ARHGEF12: variants seen among roughly 807,000 people sequenced by gnomAD.
The protein encoded by ARHGEF12 is Rho guanine nucleotide exchange factor 12.
In ARHGEF12, 66 loss-of-function variants were observed where a neutral mutation model predicts 211.2. The observed-to-expected ratio is 0.31, with a 90% CI of 0.26 to 0.38. The LOEUF (loss-of-function observed/expected upper bound fraction) is 0.38, where lower values mean the gene tolerates loss of function less well. ARHGEF12 is among the 10% of genes least tolerant of loss of function. The probability of loss-of-function intolerance (pLI) is 1.00; values close to 1 mark genes in which losing one functional copy is unlikely to be tolerated. For missense variants in ARHGEF12, 1,429 were observed against 1,869.5 expected, an observed-to-expected ratio of 0.76 and a Z score of 4.34; for synonymous variants, 592 against 638.4, an observed-to-expected ratio of 0.93 and a Z score of 1.09.
intron 1 of ARHGEF12, among the ~76,000 whole-genome samples, chr11:120,395,157 A>G (rs1285226637): frequency 6.6e-6 from 1 of 151,846 alleles, no homozygotes; most frequent in Non-Finnish European, 1.5e-5. Context: ...AATTTTATAA[A>G]TTCCAACAAT....
At chr11:120,387,069 A>T (rs563329579) in intron 1 of ARHGEF12, among the ~76,000 whole-genome samples, 1 of 152,098 alleles carries the variant, frequency 6.6e-6, no homozygotes, top group African/African-American at 2.4e-5. Flanking sequence ...ATCATTTAAC[A>T]TCGTCTGTAA....
In ARHGEF12 at chr11:120,347,264, C is replaced by G. The variant is rs868606238; in HGVS notation, c.32+9989C>G. ...TCTCTGTTTCTCTCTCTCTCTCTCTCTCTGTCTGTGTGTGTGTGTGTGTGT... is the reference window on the plus strand; with the variant it reads ...TCTCTGTTTCTCTCTCTCTCTCTCTGTCTGTCTGTGTGTGTGTGTGTGTGT... On this transcript the variant is annotated intron_variant, in intron 1 of 40. Transcript: ENST00000397843. Among the ~76,000 whole-genome samples the G allele has an allele frequency of 2.1e-3, 237 of 112,876 alleles. 1 individual carries two copies. Among genetic ancestry groups the G allele is most frequent in the African/African-American group, 7.7e-3 (213 of 27,582 alleles). 74.1% of individuals were successfully genotyped at this position (112,876 alleles called of 152,430 possible). A position where few individuals can be genotyped will look rare whatever the true frequency, so the allele number is the denominator to read the frequency against.
Position 120,489,017 on chromosome 11 carries a change from T to G in ARHGEF12, c.*3940T>G, listed in dbSNP as rs1229280415. ...AGAAAATAAGATTTCAAATATTAAA[T>G]AAGCTTAAAGGAACCAAGCATGTGA... On this transcript the variant is annotated 3_prime_UTR_variant, in exon 41 of 41. Coordinates refer to ENST00000397843, the MANE Select transcript of ARHGEF12 (RefSeq NM_015313.3). 4.5e-6 allele frequency: 1 copy of G among 220,516 alleles called. No homozygotes were observed. Among genetic ancestry groups the G allele is most frequent in the African/African-American group, 2.2e-5 (1 of 44,646 alleles). 13.7% of individuals were successfully genotyped at this position (220,516 alleles called of 1,614,324 possible).
intron 11 of ARHGEF12, among the ~76,000 whole-genome samples, chr11:120,432,247 T>C (rs774746769): frequency 6.6e-6 from 1 of 152,184 alleles, no homozygotes. Context: ...TAAGAGCATG[T>C]TAATATTCCA....
intron 1 of ARHGEF12, among the ~76,000 whole-genome samples, chr11:120,387,160 A>G (rs1488196256): frequency 1.3e-5 from 2 of 151,626 alleles, no homozygotes; most frequent in Non-Finnish European, 2.9e-5. Context: ...TATGGAAACA[A>G]TTCTCATTAC....
chr11:120,342,492 C>T (rs1294854026), intron 1 of ARHGEF12, among the ~76,000 whole-genome samples: 2 of 152,278 alleles, frequency 1.3e-5, no homozygotes, highest in East Asian at 3.9e-4. Context: ...CCTTTCCGGT[C>T]CCCTTCCCTT....
chr11:120,442,844 C>T (rs1426398979), intron 15 of ARHGEF12, among the ~76,000 whole-genome samples: 1 of 151,890 alleles, frequency 6.6e-6, no homozygotes, highest in East Asian at 1.9e-4. Flanking sequence ...TGCTTTTTCC[C>T]TCCTAAAACC....
At chr11:120,354,350 GTTGCTGCATTT>G (rs1164145597) in intron 1 of ARHGEF12, among the ~76,000 whole-genome samples, 1 of 152,164 alleles carries the variant, frequency 6.6e-6, no homozygotes, top group African/African-American at 2.4e-5. Flanking sequence ...ATGATGTTAT[GTTGCTGCATTT>G]CAGTCTTCTC....
At chr11:120,430,704 G>C (rs952575718) in intron 10 of ARHGEF12, among the ~76,000 whole-genome samples, 3 of 152,108 alleles carry the variant, frequency 2.0e-5, no homozygotes, top group Non-Finnish European at 2.9e-5. Context: ...ATTCGCAAAA[G>C]AATTCTTTGA....
chr11:120,460,999 A>G (rs1401396292), intron 27 of ARHGEF12, among the ~76,000 whole-genome samples: 1 of 152,212 alleles, frequency 6.6e-6, no homozygotes, highest in Non-Finnish European at 1.5e-5. Context: ...TCACACCTTC[A>G]GGCTCCACTG....
intron 1 of ARHGEF12, among the ~76,000 whole-genome samples, chr11:120,376,371 C>T (rs113394522): frequency 9.9e-4 from 150 of 152,112 alleles, no homozygotes; most frequent in African/African-American, 3.5e-3. Flanking sequence ...AACTTAGGTT[C>T]GTATTTTAAG....
intron 11 of ARHGEF12, among the ~76,000 whole-genome samples, chr11:120,433,153 A>G (rs1471973570): frequency 6.6e-6 from 1 of 152,228 alleles, no homozygotes; most frequent in Non-Finnish European, 1.5e-5. Flanking sequence ...TTGAGGCCAA[A>G]GGGAGTTAAC....
At chr11:120,407,592 A>G (rs1372981531) in intron 2 of ARHGEF12, 146 bp from the exon 3 acceptor site, 3 of 553,310 alleles carry the variant, frequency 5.4e-6, no homozygotes, top group East Asian at 5.7e-5. Context: ...AAACTTATTG[A>G]AAAATGTAAA....
At chr11:120,396,214 A>G (rs893366993) in intron 1 of ARHGEF12, among the ~76,000 whole-genome samples, 2 of 152,162 alleles carry the variant, frequency 1.3e-5, no homozygotes, top group African/African-American at 4.8e-5. Flanking sequence ...AAATAAACAT[A>G]CATGAGCCCA....
At chr11:120,441,224 T>C (rs1818913328) in intron 13 of ARHGEF12, among the ~76,000 whole-genome samples, 1 of 152,120 alleles carries the variant, frequency 6.6e-6, no homozygotes, top group African/African-American at 2.4e-5. Flanking sequence ...AAAATTGTGA[T>C]GCTAGTTTAC....
At chr11:120,368,177 A>G (rs1177314501) in intron 1 of ARHGEF12, among the ~76,000 whole-genome samples, 1 of 152,042 alleles carries the variant, frequency 6.6e-6, no homozygotes, top group Admixed American at 6.6e-5. Flanking sequence ...TCCTGGGCTC[A>G]AGCAATCCTC....
chr11:120,457,750 T>A lies in ARHGEF12; in HGVS notation c.2219T>A (p.Phe740Tyr), dbSNP rs750428619. 6.2e-7 allele frequency: 1 copy of A among 1,608,782 alleles called. No homozygotes were observed. Among genetic ancestry groups the A allele is most frequent in the Non-Finnish European group, 8.5e-7 (1 of 1,177,762 alleles). The change falls in exon 24 of 41, where the codon TTT becomes TAT. Residue 740 changes from phenylalanine to tyrosine, a missense_variant. Coordinates refer to ENST00000397843, the MANE Select transcript of ARHGEF12 (RefSeq NM_015313.3). ...RVTEHGTPKP[F>Y]RKFDSVAFGE... ...ACTGAACATGGGACACCAAAGCCCT[T>A]TCGAAAGTAAGTAAATCTTAAGCAG... is the stretch of plus-strand genomic sequence containing the variant.
At chr11:120,419,643 T>G (rs912926632) in intron 4 of ARHGEF12, among the ~76,000 whole-genome samples, 14 of 151,968 alleles carry the variant, frequency 9.2e-5, no homozygotes, top group African/African-American at 3.4e-4. Flanking sequence ...ATATATATAA[T>G]TTGTTATATG....
intron 1 of ARHGEF12, 125 bp downstream of exon 1, chr11:120,337,400 A>T (rs1942384284): frequency 6.5e-7 from 1 of 1,539,584 alleles, no homozygotes; most frequent in South Asian, 1.2e-5. Context: ...GTTGTTTCGG[A>T]GCTGTGCAGT....
Sources: gnomAD v4.1 joint callset for allele counts (sites outside exome capture counted in the v4.1 genomes callset) on GRCh38, gnomAD v4.1.1 for gene constraint, MANE v1.5 for transcripts, NCBI Gene and HGNC (gene_info 2026-07-23, HGNC 2026-07-21) for gene names.